The following LRP1B variants were observed in gnomAD, a reference collection of about 807,000 sequenced individuals.
LRP1B encodes the protein low-density lipoprotein receptor-related protein 1B.
LRP1B carries 217 observed loss-of-function variants against 556.6 expected under a neutral mutation model. The observed-to-expected ratio is 0.39, with a 90% CI of 0.35 to 0.44. LRP1B has a LOEUF of 0.44. LRP1B is among the 20% of genes least tolerant of loss of function. The pLI, the probability that LRP1B is intolerant of heterozygous loss-of-function variation, is 1.00. For synonymous variants in LRP1B, 2,047 were observed against 1,865.8 expected, an observed-to-expected ratio of 1.10 and a Z score of -2.50; for missense variants, 5,053 against 5,620.8, an observed-to-expected ratio of 0.90 and a Z score of 3.23.
Position 141,071,367 on chromosome 2 carries a change from G to C in LRP1B, c.1014-9094C>G, listed in dbSNP as rs573095619. On this transcript the variant is annotated intron_variant, in intron 7 of 90. Transcript: ENST00000389484. Reference sequence around the variant, plus strand: ...GATGGGACGTATCTCAAAATAATAAGAGCTATCTATGACAAACCCACAGCC... The same window carrying C: ...GATGGGACGTATCTCAAAATAATAACAGCTATCTATGACAAACCCACAGCC... Among the ~76,000 whole-genome samples the C allele has an allele frequency of 5.9e-3, 888 of 151,650 alleles. 11 individuals are homozygous for C. Among genetic ancestry groups the C allele is most frequent in the African/African-American group, 0.02 (838 of 41,284 alleles).
Position 140,743,965 on chromosome 2 carries a change from C to CAA in LRP1B, c.5758+25246_5758+25247dup, listed in dbSNP as rs780716758. 8.2e-3 allele frequency among the ~76,000 whole-genome samples: 21 copies of CAA among 2,572 alleles called. 2 individuals carry two copies. The highest frequency in any genetic ancestry group is 0.012 in the African/African-American group (11 of 906). The allele number at this position is 2,572 out of a possible 152,430, so 1.7% of individuals were successfully genotyped here. On this transcript the variant is annotated intron_variant, in intron 35 of 90. Coordinates refer to ENST00000389484, the MANE Select transcript of LRP1B (RefSeq NM_018557.3). ...CTGGCGACAGAGTGAGACTTGGTCTCAAAAAAAAAAAAAAAAAAAAAAAAA... is the reference window on the plus strand; with the variant it reads ...CTGGCGACAGAGTGAGACTTGGTCTCAAAAAAAAAAAAAAAAAAAAAAAAAAA...
intron 2 of LRP1B, among the ~76,000 whole-genome samples, chr2:141,501,463 G>A (rs1460108723): frequency 6.6e-6 from 1 of 152,122 alleles, no homozygotes; most frequent in Admixed American, 6.6e-5. Flanking sequence ...ATAGCTTCCA[G>A]TGTCCAATCA....
chr2:140,838,070 A>G (rs1691974036), intron 31 of LRP1B, among the ~76,000 whole-genome samples: 1 of 152,198 alleles, frequency 6.6e-6, no homozygotes, highest in Non-Finnish European at 1.5e-5. Flanking sequence ...TTTTATTAAA[A>G]AAATTCTGAA....
At chr2:140,602,829 T>C (rs1228689247) in intron 41 of LRP1B, among the ~76,000 whole-genome samples, 3 of 151,972 alleles carry the variant, frequency 2.0e-5, no homozygotes, top group Non-Finnish European at 4.4e-5. Flanking sequence ...ATGCTAGAAA[T>C]GATAAAAACT....
chr2:141,026,563 C>T (rs1698223201), intron 11 of LRP1B, among the ~76,000 whole-genome samples: 1 of 151,926 alleles, frequency 6.6e-6, no homozygotes, highest in African/African-American at 2.4e-5. Flanking sequence ...TGGAGATAAC[C>T]AGGCTAAATC....
intron 20 of LRP1B, among the ~76,000 whole-genome samples, chr2:140,940,127 C>CGTCTGCT (rs1695353520): frequency 6.6e-6 from 1 of 151,960 alleles, no homozygotes; most frequent in Non-Finnish European, 1.5e-5. Flanking sequence ...TCAAGTGATC[C>CGTCTGCT]GTCTGCTTCA....
intron 46 of LRP1B, among the ~76,000 whole-genome samples, chr2:140,534,594 G>A (rs947465268): frequency 4.6e-5 from 7 of 152,064 alleles, no homozygotes; most frequent in African/African-American, 1.7e-4. Context: ...GTGTCTCATG[G>A]AGTCATCTAA....
intron 41 of LRP1B, among the ~76,000 whole-genome samples, chr2:140,615,583 T>C (rs1683226049): frequency 6.6e-6 from 1 of 152,146 alleles, no homozygotes; most frequent in Non-Finnish European, 1.5e-5. Context: ...TTCTTTCATC[T>C]AGCTAGCTTT....
intron 41 of LRP1B, among the ~76,000 whole-genome samples, chr2:140,604,552 C>T (rs1682797016): frequency 6.6e-6 from 1 of 152,124 alleles, no homozygotes; most frequent in South Asian, 2.1e-4. Flanking sequence ...GCAATAGCCC[C>T]TTCTGGTCTG....
intron 27 of LRP1B, among the ~76,000 whole-genome samples, chr2:140,854,194 A>C (rs1692546165): frequency 6.6e-6 from 1 of 152,184 alleles, no homozygotes; most frequent in African/African-American, 2.4e-5. Flanking sequence ...AATTAAAAGC[A>C]TAATCCATAA....
At chr2:141,614,840 A>C (rs1442926517) in intron 2 of LRP1B, among the ~76,000 whole-genome samples, 1 of 152,208 alleles carries the variant, frequency 6.6e-6, no homozygotes, top group Non-Finnish European at 1.5e-5. Context: ...TAAGCCACCC[A>C]GTTTGTGGTA....
chr2:141,974,467 C>T (rs1425654766), intron 1 of LRP1B, among the ~76,000 whole-genome samples: 3 of 151,898 alleles, frequency 2.0e-5, no homozygotes, highest in Admixed American at 6.6e-5. Flanking sequence ...TACAACCTTT[C>T]GAGTTTTCAG....
intron 1 of LRP1B, among the ~76,000 whole-genome samples, chr2:142,125,767 A>C (rs980809600): frequency 1.8e-4 from 27 of 151,816 alleles, no homozygotes; most frequent in Admixed American, 3.3e-4. Context: ...GCAACTCCAC[A>C]GAAGAAAATA....
chr2:141,480,299 G>A (rs4264514), intron 3 of LRP1B, 97 bp downstream of exon 3: 572,796 of 1,236,716 alleles, frequency 0.46, 135,627 homozygotes, highest in Non-Finnish European at 0.49. Flanking sequence ...TGATATGCTT[G>A]TAGTTGAAAG....
At chr2:141,798,400 A>T (rs150387661) in intron 2 of LRP1B, among the ~76,000 whole-genome samples, 27 of 152,244 alleles carry the variant, frequency 1.8e-4, no homozygotes, top group African/African-American at 6.3e-4. Flanking sequence ...GCTGGTGACT[A>T]AAGACGTCTT....
intron 2 of LRP1B, among the ~76,000 whole-genome samples, chr2:141,498,579 CT>C (rs1683602521): frequency 6.6e-6 from 1 of 151,932 alleles, no homozygotes; most frequent in African/African-American, 2.4e-5. Flanking sequence ...AGTAAAACTG[CT>C]GGAAAAATAC....
At chr2:141,194,959 A>T (rs953102937) in intron 6 of LRP1B, among the ~76,000 whole-genome samples, 1 of 152,122 alleles carries the variant, frequency 6.6e-6, no homozygotes. Context: ...TAGTACCAAA[A>T]CAATAAATTA....
intron 2 of LRP1B, among the ~76,000 whole-genome samples, chr2:141,496,042 C>T (rs577471028): frequency 7.9e-5 from 12 of 151,956 alleles, no homozygotes; most frequent in Admixed American, 1.3e-4. Flanking sequence ...AACTAAGATA[C>T]ACCTCAAAGC....
intron 51 of LRP1B, among the ~76,000 whole-genome samples, chr2:140,513,815 C>T (rs1689766439): frequency 6.6e-6 from 1 of 151,924 alleles, no homozygotes; most frequent in Non-Finnish European, 1.5e-5. Flanking sequence ...TCCTTCTCTT[C>T]CTAAAAGAGG....
Sources: gnomAD v4.1 joint callset for allele counts (sites outside exome capture counted in the v4.1 genomes callset) on GRCh38, gnomAD v4.1.1 for gene constraint, MANE v1.5 for transcripts, NCBI Gene and HGNC (gene_info 2026-07-23, HGNC 2026-07-21) for gene names.